The following PLEKHM2 variants were observed in gnomAD, a reference collection of about 807,000 sequenced individuals.
The protein encoded by PLEKHM2 is pleckstrin homology domain-containing family M member 2.
In PLEKHM2, 77 loss-of-function variants were observed where a neutral mutation model predicts 116.3. That is an observed-to-expected ratio of 0.66 (90% CI 0.55 to 0.80). The LOEUF (loss-of-function observed/expected upper bound fraction) is 0.80, where lower values mean the gene tolerates loss of function less well. PLEKHM2 is among the 30% of genes least tolerant of loss of function. The probability of loss-of-function intolerance (pLI) is 0.00; values close to 1 mark genes in which losing one functional copy is unlikely to be tolerated. For missense variants in PLEKHM2, 1,183 were observed against 1,354.9 expected (o/e 0.87, Z 1.99); for synonymous variants, 562 against 571.0 (o/e 0.98, Z 0.22).
rs200715563 is a variant in PLEKHM2, at chr1:15,727,421, C to A, written c.1349C>A (p.Pro450Gln). The change falls in exon 9 of 20, where the codon CCG becomes CAG. Residue 450 changes from proline to glutamine, a missense_variant. This residue lies in a region of PLEKHM2 where 372 missense variants were observed against 357.2 expected (regional missense o/e 1.04). Coordinates refer to ENST00000375799, the MANE Select transcript of PLEKHM2 (RefSeq NM_015164.4). This position sits in a 1 kb window ranked among gnomAD's most constrained non-coding sequence, Gnocchi z 7.5. ...CCCGGGGATGCCCCGGAGAGGCCGC[C>A]GCTTTGCGACTTTAGTGAGGGGCTT... ...GSPGDAPERP[P>Q]LCDFSEGLSA... The A allele has an allele frequency of 6.2e-7, 1 of 1,606,072 alleles. No homozygotes were observed. Among genetic ancestry groups the A allele is most frequent in the Non-Finnish European group, 8.5e-7 (1 of 1,177,030 alleles).
chr1:15,720,606 C>T, intron 6 of PLEKHM2: 1 of 366,736 alleles, frequency 2.7e-6, no homozygotes, highest in Non-Finnish European at 3.8e-6. Context: ...CTGTAGGAGA[C>T]CAGAGCCCTT....
intron 7 of PLEKHM2, chr1:15,723,364 T>C (rs2068019900): frequency 6.6e-6 from 1 of 150,962 alleles, no homozygotes; most frequent in African/African-American, 2.4e-5. Flanking sequence ...CTGGAAAAAG[T>C]CCCCGATGTT....
chr1:15,693,979 G>T (rs1254745901), intron 1 of PLEKHM2, among the ~76,000 whole-genome samples: 3 of 152,150 alleles, frequency 2.0e-5, no homozygotes. Context: ...TGCTGGAGCT[G>T]GCAGTGCCCT....
Position 15,728,374 on chromosome 1 carries a change from G to A in PLEKHM2, c.1921+17G>A, listed in dbSNP as rs771897871. Reference sequence around the variant, plus strand: ...TCCGGAAAGGTGCCCGCCGCCCCCGGGCAGACAGCGGGTTGTAGACGAGGC... The same window carrying A: ...TCCGGAAAGGTGCCCGCCGCCCCCGAGCAGACAGCGGGTTGTAGACGAGGC... On this transcript the variant is annotated intron_variant, in intron 11 of 19. Coordinates refer to ENST00000375799, the MANE Select transcript of PLEKHM2 (RefSeq NM_015164.4). This position sits in a 1 kb window ranked among gnomAD's most constrained non-coding sequence, Gnocchi z 5.9. 4 of 1,604,748 alleles carry A rather than the reference G, an allele frequency of 2.5e-6. No individual in the cohort carries two copies. The highest frequency in any genetic ancestry group is 2.6e-6 in the Non-Finnish European group (3 of 1,173,950).
Position 15,733,791 on chromosome 1 carries a change from A to C in PLEKHM2, c.2923-6A>C. On this transcript the variant is annotated splice_region_variant and splice_polypyrimidine_tract_variant and intron_variant, in intron 19 of 19. Transcript: ENST00000375799. ...CCTCATCTGTTCTCTGCACGCCCCA[A>C]CACAGGTGGACCTCCCCCACACGGC... 6.2e-7 allele frequency: 1 copy of C among 1,612,524 alleles called. No homozygotes were observed. The highest frequency in any genetic ancestry group is 8.5e-7 in the Non-Finnish European group (1 of 1,179,572).
chr1:15,709,716 C>G (rs1279643756), intron 1 of PLEKHM2, among the ~76,000 whole-genome samples: 1 of 152,144 alleles, frequency 6.6e-6, no homozygotes. Context: ...GAAATTGTTT[C>G]AAGGCACAGA....
At chr1:15,701,659 C>T (rs182998714) in intron 1 of PLEKHM2, among the ~76,000 whole-genome samples, 77 of 151,714 alleles carry the variant, frequency 5.1e-4, no homozygotes, top group African/African-American at 1.6e-3. Flanking sequence ...GACGTGGTGG[C>T]GGGCGCCTGT....
rs1349788389 is a variant in PLEKHM2, at chr1:15,698,546, TTTC to T, written c.60+13931_60+13933del. The stretch of plus-strand genomic sequence containing the variant: ...TTCTTTCTTTTTCTTTCTTTCTTTC[TTTC>T]TTTTTTTTTTTTTTTTTTGACATAG... On this transcript the variant is annotated intron_variant, in intron 1 of 19. Transcript: ENST00000375799. Among the ~76,000 whole-genome samples, 382 of 116,774 alleles carry T rather than the reference TTTC, an allele frequency of 3.3e-3. 6 individuals are homozygous for T. The highest frequency in any genetic ancestry group is 0.015 in the African/African-American group (357 of 23,730). The allele number at this position is 116,774 out of a possible 152,430, so 76.6% of individuals were successfully genotyped here. A position where few individuals can be genotyped will look rare whatever the true frequency, so the allele number is the denominator to read the frequency against.
chr1:15,731,987 C>G lies in PLEKHM2; in HGVS notation c.2564C>G (p.Ala855Gly). The G allele has an allele frequency of 1.2e-6, 2 of 1,612,442 alleles. No individual in the cohort carries two copies. Among genetic ancestry groups the G allele is most frequent in the Middle Eastern group, 1.7e-4 (1 of 6,058 alleles). ...LSDRPCLELS[A>G]ESEAEMAEWM... ...GACCGGCCCTGCCTGGAGCTAAGTG[C>G]CGAGAGCGAGGCCGAGATGGCCGAG... The change falls in exon 17 of 20, where the codon GCC (alanine) becomes GGC (glycine). Residue 855 changes from alanine (A) to glycine (G), a missense_variant. By Grantham distance (60) the Ala-to-Gly change is moderately conservative (BLOSUM62 0). Around this residue, in one of 3 missense-constraint regions of PLEKHM2, gnomAD observed 594 missense variants for 720.1 expected, o/e 0.82. Coordinates refer to ENST00000375799, the MANE Select transcript of PLEKHM2 (RefSeq NM_015164.4).
rs951066299 is a variant in PLEKHM2, at chr1:15,710,246, T to C, written c.61-5991T>C. 8.1e-5 allele frequency among the ~76,000 whole-genome samples: 12 copies of C among 147,262 alleles called. No individual in the cohort carries two copies. The East Asian group carries it at 2.0e-3, about 24-fold the overall frequency. ...CATCTCCAAAAAAAAAAAAAAAAAA[T>C]TCTGGTACAAATCCAGAAGAAAATT... On this transcript the variant is annotated intron_variant, in intron 1 of 19. Transcript: ENST00000375799.
Position 15,731,872 on chromosome 1 carries a change from C to A in PLEKHM2, c.2466-17C>A, listed in dbSNP as rs1427404128. Reference sequence around the variant, plus strand: ...CTTGCCTCCTCGCTCCCGTTTCACCCTCCTCCTCTGGCCCAGGGGGGAGCA... The same window carrying A: ...CTTGCCTCCTCGCTCCCGTTTCACCATCCTCCTCTGGCCCAGGGGGGAGCA... On this transcript the variant is annotated splice_polypyrimidine_tract_variant and intron_variant, in intron 16 of 19. Transcript: ENST00000375799. The A allele has an allele frequency of 6.2e-7, 1 of 1,605,684 alleles. No individual in the cohort carries two copies. The highest frequency in any genetic ancestry group is 8.5e-7 in the Non-Finnish European group (1 of 1,176,078).
intron 5 of PLEKHM2, 26 bp downstream of exon 5, chr1:15,718,651 T>C: frequency 1.1e-6 from 1 of 944,908 alleles, no homozygotes; most frequent in Non-Finnish European, 1.5e-6. Flanking sequence ...TCTCACTGCT[T>C]GTGGGAAGCA....
chr1:15,721,417 T>A lies in PLEKHM2; in HGVS notation c.712+29T>A. 6.8e-7 allele frequency: 1 copy of A among 1,461,488 alleles called. No homozygotes were observed. Among genetic ancestry groups the A allele is most frequent in the Non-Finnish European group, 9.4e-7 (1 of 1,063,060 alleles). 90.5% of individuals were successfully genotyped at this position (1,461,488 alleles called of 1,614,324 possible). ...GGCCAGAGTCCGCTGTTACCCTCTT[T>A]TCCTGTTTTGCAATGTTTCCATGCC... On this transcript the variant is annotated intron_variant, in intron 7 of 19. Transcript: ENST00000375799. The surrounding 1 kb of genome is among the most constrained non-coding windows in gnomAD (Gnocchi z 5.1).
intron 1 of PLEKHM2, among the ~76,000 whole-genome samples, chr1:15,692,902 G>C (rs902392551): frequency 6.6e-6 from 1 of 151,474 alleles, no homozygotes; most frequent in Admixed American, 6.6e-5. Flanking sequence ...ACCATGCCCA[G>C]ATAATTTTGT....
At position 15,734,540 on chromosome 1, in the gene PLEKHM2, G is replaced by C. The variant is rs7748; in HGVS notation, c.*606G>C. The stretch of plus-strand genomic sequence containing the variant: ...GCATGCCCACAGTCCTGCCCTGCCT[G>C]TCCCCTCAACCCGGCAGTGCCTGTA... On this transcript the variant is annotated 3_prime_UTR_variant, in exon 20 of 20. Coordinates refer to ENST00000375799, the MANE Select transcript of PLEKHM2 (RefSeq NM_015164.4). 51,248 of 152,216 alleles carry C rather than the reference G, an allele frequency of 0.34. 11,511 individuals are homozygous for C. Among genetic ancestry groups the C allele is most frequent in the African/African-American group, 0.65 (26,804 of 41,456 alleles). The allele number at this position is 152,216 out of a possible 1,614,324, so 9.4% of individuals were successfully genotyped here. A position where few individuals can be genotyped will look rare whatever the true frequency, so the allele number is the denominator to read the frequency against.
At chr1:15,706,139 C>G (rs1641221131) in intron 1 of PLEKHM2, among the ~76,000 whole-genome samples, 1 of 152,112 alleles carries the variant, frequency 6.6e-6, no homozygotes, top group African/African-American at 2.4e-5. Context: ...TATGTACTTT[C>G]CTGTTCTCAC....
In PLEKHM2 at chr1:15,684,508, C is replaced by CT; in HGVS notation, c.-51_-50insT. ...CGGCCCCCGGCGCGGGAAGCGGCGG[C>CT]GGGGCGGCGGCGGCGGTGGCGGTGG... On this transcript the variant is annotated 5_prime_UTR_variant, in exon 1 of 20. Transcript: ENST00000375799. 2.6e-5 allele frequency: 11 copies of CT among 427,214 alleles called. No homozygotes were observed. Among genetic ancestry groups the CT allele is most frequent in the Non-Finnish European group, 3.2e-5 (11 of 348,632 alleles). 26.5% of individuals were successfully genotyped at this position (427,214 alleles called of 1,614,324 possible).
In PLEKHM2 at chr1:15,692,455, G is replaced by A. The variant is rs980774554; in HGVS notation, c.60+7837G>A. On this transcript the variant is annotated intron_variant, in intron 1 of 19. Transcript: ENST00000375799. Reference sequence around the variant, plus strand: ...AGAGTAAAGGCTGTCTGGTGAGGGCGGGGAGGGACCTGAAGGTCCCTAACC... The same window carrying A: ...AGAGTAAAGGCTGTCTGGTGAGGGCAGGGAGGGACCTGAAGGTCCCTAACC... Among the ~76,000 whole-genome samples the A allele has an allele frequency of 9.9e-4, 151 of 152,290 alleles. 1 individual carries two copies. The highest frequency in any genetic ancestry group is 2.1e-3 in the African/African-American group (86 of 41,554).
At chr1:15,708,228 T>TC (rs781728839) in intron 1 of PLEKHM2, among the ~76,000 whole-genome samples, 1 of 149,702 alleles carries the variant, frequency 6.7e-6, no homozygotes, top group South Asian at 2.1e-4. Context: ...TTTTCTTTTT[T>TC]CTTTTTTTTT....
Sources: gnomAD v4.1 joint callset for allele counts (sites outside exome capture counted in the v4.1 genomes callset) on GRCh38, gnomAD v4.1.1 for gene constraint, gnomAD v4.1.1 regional missense constraint, Gnocchi (gnomAD v3.1) non-coding constraint, MANE v1.5 for transcripts, NCBI Gene and HGNC (gene_info 2026-07-23, HGNC 2026-07-21) for gene names.